Variants in FAM151B observed in about 807,000 individuals in gnomAD.
The protein encoded by FAM151B is protein FAM151B.
In FAM151B, 24 loss-of-function variants were observed where a neutral mutation model predicts 31.2. The ratio of observed to expected loss-of-function variants is 0.77; its 90% confidence interval spans 0.56 to 1.08. The LOEUF is 1.08. Among genes scored for constraint, FAM151B ranks in the 50% least tolerant of loss-of-function variants. FAM151B has a pLI of 0.00. For missense variants in FAM151B, 293 were observed against 328.6 expected (o/e 0.89, Z 0.84); for synonymous variants, 105 against 111.4 (o/e 0.94, Z 0.36).
At chr5:80,530,943 A>C (rs906204874) in intron 5 of FAM151B, among the ~76,000 whole-genome samples, 4 of 152,214 alleles carry the variant, frequency 2.6e-5, no homozygotes, top group Non-Finnish European at 4.4e-5. Flanking sequence ...ATCTTAAGCC[A>C]AAAGAGCAAA....
intron 5 of FAM151B, among the ~76,000 whole-genome samples, chr5:80,534,752 A>G (rs932502622): frequency 9.2e-5 from 14 of 152,316 alleles, no homozygotes; most frequent in Non-Finnish European, 1.5e-4. Flanking sequence ...TAGAAGTCCT[A>G]GGGAGAACAA....
intron 1 of FAM151B, among the ~76,000 whole-genome samples, chr5:80,490,606 A>G (rs1471134174): frequency 6.6e-6 from 1 of 152,162 alleles, no homozygotes; most frequent in Admixed American, 6.5e-5. Flanking sequence ...CTATTCTTCT[A>G]TTTTCTGTCT....
At chr5:80,498,841 C>T in intron 1 of FAM151B, 1 of 406,416 alleles carries the variant, frequency 2.5e-6, no homozygotes, top group Non-Finnish European at 4.7e-6. Context: ...CCTCCATTTT[C>T]CAGTTGCTTG....
chr5:80,538,446 T>TTCTTTCTCTCTC (rs1745658825), intron 5 of FAM151B, among the ~76,000 whole-genome samples: 3 of 48,484 alleles, frequency 6.2e-5, no homozygotes, highest in Admixed American at 2.6e-4. Flanking sequence ...CTTTCTTTCT[T>TTCTTTCTCTCTC]TCTCTTTCTT....
intron 1 of FAM151B, chr5:80,500,189 T>TA (rs1024842444): frequency 5.9e-4 from 281 of 479,300 alleles, no homozygotes; most frequent in East Asian, 8.5e-4. Context: ...ATATGTGGAA[T>TA]AAAAAAAAAT....
At chr5:80,523,530 C>A (rs1744810827) in intron 5 of FAM151B, among the ~76,000 whole-genome samples, 1 of 152,088 alleles carries the variant, frequency 6.6e-6, no homozygotes, top group African/African-American at 2.4e-5. Flanking sequence ...CAAGGATATT[C>A]TGGAAGCATC....
chr5:80,530,608 C>T (rs1745194501), intron 5 of FAM151B, among the ~76,000 whole-genome samples: 1 of 152,042 alleles, frequency 6.6e-6, no homozygotes, highest in Non-Finnish European at 1.5e-5. Context: ...AAACAGAGAG[C>T]CAAATCATGA....
chr5:80,496,553 C>T (rs1359239622), intron 1 of FAM151B, among the ~76,000 whole-genome samples: 2 of 152,110 alleles, frequency 1.3e-5, no homozygotes, highest in East Asian at 1.9e-4. Context: ...CAGATGTACA[C>T]CTAGACATCT....
intron 1 of FAM151B, chr5:80,494,963 C>T (rs1042261801): frequency 6.6e-6 from 1 of 152,160 alleles, no homozygotes; most frequent in African/African-American, 2.4e-5. Flanking sequence ...CAGCTGGTGA[C>T]TTTAAGTGGA....
intron 1 of FAM151B, among the ~76,000 whole-genome samples, chr5:80,499,143 T>C (rs1036023905): frequency 4.6e-5 from 7 of 152,208 alleles, no homozygotes; most frequent in African/African-American, 1.7e-4. Flanking sequence ...AATAAATGTT[T>C]GAAGCATGAA....
At chr5:80,532,759 A>G (rs12659016) in intron 5 of FAM151B, among the ~76,000 whole-genome samples, 64,452 of 152,036 alleles carry the variant, frequency 0.42, 14,925 homozygotes, top group East Asian at 0.61. Context: ...ATCACAAAAC[A>G]AGTCTAACAA....
At chr5:80,513,513 TA>T in intron 2 of FAM151B, 90 bp from the exon 3 acceptor site, 1 of 1,275,390 alleles carries the variant, frequency 7.8e-7, no homozygotes, top group Non-Finnish European at 1.1e-6. Flanking sequence ...CCTTTTTTTT[TA>T]TCTTCCTCAA....
chr5:80,533,857 C>T (rs1206282320), intron 5 of FAM151B, among the ~76,000 whole-genome samples: 1 of 148,828 alleles, frequency 6.7e-6, no homozygotes, highest in East Asian at 2.0e-4. Flanking sequence ...AGAAAATGGA[C>T]AAATCTTTAG....
intron 5 of FAM151B, among the ~76,000 whole-genome samples, chr5:80,530,247 G>A (rs1745171871): frequency 6.6e-6 from 1 of 151,934 alleles, no homozygotes; most frequent in Non-Finnish European, 1.5e-5. Flanking sequence ...AAAATAATAA[G>A]AGCTATTTAT....
intron 5 of FAM151B, among the ~76,000 whole-genome samples, chr5:80,541,446 A>G (rs555970830): frequency 6.6e-6 from 1 of 152,324 alleles, no homozygotes; most frequent in African/African-American, 2.4e-5. Context: ...TGCAATTCAG[A>G]TAGAGCAGTT....
At chr5:80,494,572 G>A (rs910418326) in intron 1 of FAM151B, among the ~76,000 whole-genome samples, 10 of 150,518 alleles carry the variant, frequency 6.6e-5, no homozygotes, top group East Asian at 3.9e-4. Flanking sequence ...GAGGGCAGTG[G>A]CATGATCGTG....
intron 1 of FAM151B, chr5:80,499,765 A>G (rs1323492237): frequency 1.3e-5 from 2 of 151,596 alleles, no homozygotes; most frequent in East Asian, 3.8e-4. Flanking sequence ...CCACATCATA[A>G]TACTTGTTCT....
chr5:80,517,909 T>C (rs1406951012), intron 3 of FAM151B, among the ~76,000 whole-genome samples: 1 of 151,772 alleles, frequency 6.6e-6, no homozygotes, highest in African/African-American at 2.4e-5. Context: ...CCATCTCTAC[T>C]GAAAATACAA....
At chr5:80,524,429 CTTA>C (rs1368207856) in intron 5 of FAM151B, among the ~76,000 whole-genome samples, 1 of 152,014 alleles carries the variant, frequency 6.6e-6, no homozygotes, top group Non-Finnish European at 1.5e-5. Flanking sequence ...GATCTCTAGA[CTTA>C]TTATCTTGTG....
Sources: gnomAD v4.1 joint callset for allele counts (sites outside exome capture counted in the v4.1 genomes callset) on GRCh38, gnomAD v4.1.1 for gene constraint, MANE v1.5 for transcripts, NCBI Gene and HGNC (gene_info 2026-07-23, HGNC 2026-07-21) for gene names.